Variants in RPS6KC1 observed in about 807,000 individuals in gnomAD.
RPS6KC1 encodes the protein inactive ribosomal protein S6 kinase delta-1.
A neutral mutation model predicts 103.8 loss-of-function variants in RPS6KC1; 54 were observed. That is an observed-to-expected ratio of 0.52 (90% CI 0.42 to 0.65). The LOEUF is 0.65. Among genes scored for constraint, RPS6KC1 ranks in the 30% least tolerant of loss-of-function variants. The probability of loss-of-function intolerance (pLI) is 0.00; values close to 1 mark genes in which losing one functional copy is unlikely to be tolerated. For synonymous variants in RPS6KC1, 439 were observed against 438.7 expected, an observed-to-expected ratio of 1.00 and a Z score of -0.01; for missense variants, 1,151 against 1,253.8, an observed-to-expected ratio of 0.92 and a Z score of 1.24.
intron 10 of RPS6KC1, among the ~76,000 whole-genome samples, chr1:213,239,450 A>G (rs2094301616): frequency 1.3e-5 from 2 of 152,212 alleles, no homozygotes; most frequent in African/African-American, 2.4e-5. Context: ...TTTATTGAGC[A>G]TTTATTCTAT....
the RPS6KC1 span, among the ~76,000 whole-genome samples, chr1:213,615,877 A>G: frequency 6.6e-6 from 1 of 152,222 alleles, no homozygotes; most frequent in Non-Finnish European, 1.5e-5. Flanking sequence ...GGTGGCTGGC[A>G]GAGGTTGGGG....
At chr1:213,725,243 A>T in the RPS6KC1 span, among the ~76,000 whole-genome samples, 1 of 152,240 alleles carries the variant, frequency 6.6e-6, no homozygotes, top group Non-Finnish European at 1.5e-5. Flanking sequence ...CACGGTGGTG[A>T]GGAAAACACT....
intron 10 of RPS6KC1, among the ~76,000 whole-genome samples, chr1:213,233,954 G>A (rs1011534793): frequency 2.6e-5 from 4 of 151,388 alleles, no homozygotes; most frequent in Non-Finnish European, 5.9e-5. Context: ...AATTTATTGA[G>A]CATGTACTGT....
intron 12 of RPS6KC1, among the ~76,000 whole-genome samples, chr1:213,256,635 C>A (rs1439800969): frequency 1.3e-5 from 2 of 152,090 alleles, no homozygotes; most frequent in African/African-American, 4.8e-5. Context: ...GTTGCACAGG[C>A]TTCCTCTAGG....
At chr1:213,243,255 G>A (rs753875135) in intron 12 of RPS6KC1, among the ~76,000 whole-genome samples, 12 of 150,888 alleles carry the variant, frequency 8.0e-5, no homozygotes, top group East Asian at 3.9e-4. Context: ...GATTACGGGT[G>A]CATGCCATTA....
chr1:213,597,394 T>C, the RPS6KC1 span, among the ~76,000 whole-genome samples: 87 of 152,100 alleles, frequency 5.7e-4, 2 homozygotes, highest in African/African-American at 2.0e-3. Flanking sequence ...GTGAGTGAAG[T>C]GGGGCCATGG....
chr1:213,456,190 C>A, the RPS6KC1 span, among the ~76,000 whole-genome samples: 1 of 152,190 alleles, frequency 6.6e-6, no homozygotes, highest in African/African-American at 2.4e-5. Context: ...TCCCGTGCAG[C>A]ATGTCTTCTT....
At chr1:213,646,881 G>GCA in the RPS6KC1 span, among the ~76,000 whole-genome samples, 2 of 84,788 alleles carry the variant, frequency 2.4e-5, no homozygotes, top group Admixed American at 1.0e-4. Flanking sequence ...ATGTGTGTAT[G>GCA]CATATATATA....
At chr1:213,826,721 C>A in the RPS6KC1 span, among the ~76,000 whole-genome samples, 1 of 152,140 alleles carries the variant, frequency 6.6e-6, no homozygotes, top group African/African-American at 2.4e-5. Context: ...GAGCATAGAT[C>A]TAAGGACTGT....
At chr1:213,360,422 A>G in the RPS6KC1 span, among the ~76,000 whole-genome samples, 1 of 152,002 alleles carries the variant, frequency 6.6e-6, no homozygotes, top group Non-Finnish European at 1.5e-5. Flanking sequence ...TCCTTTAAAG[A>G]CTTCTCTGCA....
the RPS6KC1 span, among the ~76,000 whole-genome samples, chr1:213,632,201 TA>T: frequency 6.6e-6 from 1 of 152,222 alleles, no homozygotes; most frequent in Non-Finnish European, 1.5e-5. Flanking sequence ...AAATTGTGGA[TA>T]CAGCTGCTGC....
chr1:213,295,929 A>G, the RPS6KC1 span, among the ~76,000 whole-genome samples: 554 of 152,330 alleles, frequency 3.6e-3, 2 homozygotes, highest in African/African-American at 0.013. Flanking sequence ...CTAAGTTTAG[A>G]TTTTAGATCA....
chr1:213,395,343 G>T, the RPS6KC1 span, among the ~76,000 whole-genome samples: 1 of 152,128 alleles, frequency 6.6e-6, no homozygotes, highest in East Asian at 1.9e-4. Context: ...AAGAGTGTTG[G>T]GTGAAGGGTC....
At chr1:213,583,128 C>T in the RPS6KC1 span, among the ~76,000 whole-genome samples, 2 of 152,304 alleles carry the variant, frequency 1.3e-5, no homozygotes, top group South Asian at 2.1e-4. Context: ...TATTCCGATG[C>T]GTGGACACTC....
At chr1:213,083,544 C>T (rs1024570132) in intron 3 of RPS6KC1, among the ~76,000 whole-genome samples, 2 of 152,182 alleles carry the variant, frequency 1.3e-5, no homozygotes, top group African/African-American at 4.8e-5. Flanking sequence ...TAAGGAGCTA[C>T]ACTTAGGGAA....
At chr1:213,726,880 A>G in the RPS6KC1 span, among the ~76,000 whole-genome samples, 1 of 152,238 alleles carries the variant, frequency 6.6e-6, no homozygotes, top group Non-Finnish European at 1.5e-5. Flanking sequence ...CTATGGGATG[A>G]TGTGCTGCAA....
At chr1:213,318,916 T>C in the RPS6KC1 span, among the ~76,000 whole-genome samples, 1 of 152,322 alleles carries the variant, frequency 6.6e-6, no homozygotes, top group Admixed American at 6.5e-5. Context: ...TAGGGCTCTC[T>C]CCTAAGGAGT....
At chr1:213,838,645 G>T in the RPS6KC1 span, among the ~76,000 whole-genome samples, 1 of 152,058 alleles carries the variant, frequency 6.6e-6, no homozygotes, top group Admixed American at 6.6e-5. Context: ...CCTGTTACTT[G>T]CAACCTAAAT....
the RPS6KC1 span, among the ~76,000 whole-genome samples, chr1:213,365,707 A>G: frequency 2.0e-5 from 3 of 152,174 alleles, no homozygotes; most frequent in African/African-American, 7.2e-5. Context: ...GTTGTCTATT[A>G]TAATAGAGAA....
Sources: allele counts gnomAD v4.1 joint callset (sites outside exome capture counted in the v4.1 genomes callset), GRCh38; gene constraint gnomAD v4.1.1; transcripts MANE v1.5; gene names NCBI Gene and HGNC (gene_info 2026-07-23, HGNC 2026-07-21).